Variants in CSMD2 observed in about 807,000 individuals in gnomAD.
CSMD2 encodes the protein CUB and Sushi multiple domains 2.
A neutral mutation model predicts 398.5 loss-of-function variants in CSMD2; 130 were observed. The ratio of observed to expected loss-of-function variants is 0.33; its 90% CI spans 0.28 to 0.38. CSMD2 has a LOEUF of 0.38. Ranked by LOEUF, CSMD2 falls within the 10% of genes least tolerant of loss-of-function variation. The pLI is 1.00. For missense variants in CSMD2, 3,829 were observed against 4,764.9 expected (o/e 0.80, Z 5.78); for synonymous variants, 1,828 against 1,908.5 (o/e 0.96, Z 1.10).
chr1:33,714,744 C>T lies in CSMD2; in HGVS notation c.3249G>A (p.Glu1083=), dbSNP rs1419909844. 16 of 1,614,148 alleles carry T rather than the reference C, an allele frequency of 9.9e-6. No individual in the cohort carries two copies. Among genetic ancestry groups the T allele is most frequent in the East Asian group, 2.2e-5 (1 of 44,876 alleles). The part of the protein sequence containing the change: ...EYDLEPCEEP[E]VPAYSIRKGL... ...CCTTCCGGATGCTGTAGGCTGGGACCTCGGGCTCCTCACAGGGCTCCAAGT... is the reference window on the plus strand; with the variant it reads ...CCTTCCGGATGCTGTAGGCTGGGACTTCGGGCTCCTCACAGGGCTCCAAGT... The change falls in exon 21 of 71, where the codon GAG becomes GAA. Residue 1083 remains glutamate, a synonymous_variant. Coordinates refer to ENST00000373381, the MANE Select transcript of CSMD2 (RefSeq NM_001281956.2).
intron 5 of CSMD2, among the ~76,000 whole-genome samples, chr1:33,898,587 T>C (rs889810920): frequency 3.3e-5 from 5 of 152,146 alleles, no homozygotes; most frequent in African/African-American, 1.2e-4. Context: ...GAATAATGAA[T>C]CTTTTCCAGC....
At chr1:33,961,009 C>G (rs1442325225) in intron 3 of CSMD2, among the ~76,000 whole-genome samples, 2 of 152,226 alleles carry the variant, frequency 1.3e-5, no homozygotes, top group African/African-American at 2.4e-5. Context: ...TCCTACCATT[C>G]TCTATTGTTT....
intron 1 of CSMD2, among the ~76,000 whole-genome samples, chr1:34,121,780 C>T (rs72667749): frequency 1.8e-4 from 28 of 152,226 alleles, no homozygotes; most frequent in Non-Finnish European, 2.9e-4. Flanking sequence ...GGGGCTCTTC[C>T]AAGGTCGCTA....
intron 3 of CSMD2, among the ~76,000 whole-genome samples, chr1:33,975,066 C>T (rs992853886): frequency 3.9e-5 from 6 of 152,244 alleles, no homozygotes; most frequent in African/African-American, 1.4e-4. Flanking sequence ...CAGACTGCCC[C>T]TGGCTGGGCA....
At chr1:33,741,220 A>G (rs1647054654) in intron 14 of CSMD2, among the ~76,000 whole-genome samples, 1 of 152,118 alleles carries the variant, frequency 6.6e-6, no homozygotes, top group African/African-American at 2.4e-5. Flanking sequence ...CTTGAAATCT[A>G]GAGTGCCTGC....
chr1:33,662,701 C>T (rs991806168), intron 26 of CSMD2, among the ~76,000 whole-genome samples, 189 bp downstream of exon 26: 5 of 152,210 alleles, frequency 3.3e-5, no homozygotes, highest in Admixed American at 2.0e-4. Flanking sequence ...ATTAACCCAC[C>T]TGTCTTCCCT....
At chr1:33,607,801 A>T (rs1640721178) in intron 41 of CSMD2, among the ~76,000 whole-genome samples, 1 of 152,336 alleles carries the variant, frequency 6.6e-6, no homozygotes, top group East Asian at 1.9e-4. Flanking sequence ...CATCCAGGCA[A>T]GTCCTGAAGG....
At chr1:33,852,355 A>C (rs1638771863) in intron 5 of CSMD2, among the ~76,000 whole-genome samples, 1 of 152,234 alleles carries the variant, frequency 6.6e-6, no homozygotes, top group Non-Finnish European at 1.5e-5. Flanking sequence ...CTGGCTCCAG[A>C]ATAAAGTCCA....
At chr1:33,918,960 CCTTCTA>C (rs1334432131) in intron 4 of CSMD2, among the ~76,000 whole-genome samples, 2 of 152,122 alleles carry the variant, frequency 1.3e-5, no homozygotes, top group Non-Finnish European at 2.9e-5. Flanking sequence ...TCTCCTTTTT[CCTTCTA>C]CTTCATCTTA....
intron 48 of CSMD2, among the ~76,000 whole-genome samples, chr1:33,579,527 T>A (rs974140905): frequency 4.6e-5 from 7 of 152,110 alleles, no homozygotes; most frequent in Non-Finnish European, 8.8e-5. Context: ...GGCTCTCCCC[T>A]GAAAGCTACA....
intron 2 of CSMD2, among the ~76,000 whole-genome samples, chr1:34,077,567 T>G (rs2148322740): frequency 6.9e-6 from 1 of 144,692 alleles, no homozygotes; most frequent in South Asian, 2.3e-4. Context: ...AAACCCCGTC[T>G]CTATTAAAAA....
chr1:33,698,192 C>G (rs1645486374), intron 24 of CSMD2, among the ~76,000 whole-genome samples: 2 of 152,204 alleles, frequency 1.3e-5, no homozygotes, highest in Admixed American at 6.5e-5. Context: ...TAGAGAACCT[C>G]TGATGACATT....
chr1:33,953,421 TGCAGCCTCA>T (rs1360579974), intron 3 of CSMD2, among the ~76,000 whole-genome samples: 2 of 152,244 alleles, frequency 1.3e-5, no homozygotes, highest in Admixed American at 1.3e-4. Context: ...CTGTCTGTCC[TGCAGCCTCA>T]ACCTGTGCCA....
At position 33,823,604 on chromosome 1, in the gene CSMD2, G is replaced by T. The variant is rs11800125; in HGVS notation, c.1111+2093C>A. Among the ~76,000 whole-genome samples the T allele has an allele frequency of 6.3e-3, 956 of 151,784 alleles. 4 individuals are homozygous for T. The highest frequency in any genetic ancestry group is 0.022 in the African/African-American group (890 of 41,170). On this transcript the variant is annotated intron_variant, in intron 7 of 70. Transcript: ENST00000373381. Reference sequence around the variant, plus strand: ...GCAGGGAGTCACAGGTGGGTGGGTGGTCAGAACTGATGGCAAGGTAGAGAG... The same window carrying T: ...GCAGGGAGTCACAGGTGGGTGGGTGTTCAGAACTGATGGCAAGGTAGAGAG...
Position 33,622,240 on chromosome 1 carries a change from G to A in CSMD2, c.5754C>T (p.Thr1918=), listed in dbSNP as rs1439294334. The change falls in exon 37 of 71, where the codon ACC becomes ACT. Residue 1918 remains threonine, a synonymous_variant. Transcript: ENST00000373381. ...GTTVPALLNS[T]SNQLYLHFYS... ...AGAAATGAAGGTAGAGCTGGTTGGA[G>A]GTGCTGTTCAGAAGGGCAGGCACGG... The A allele has an allele frequency of 1.2e-6, 2 of 1,614,156 alleles. No homozygotes were observed. The highest frequency in any genetic ancestry group is 8.5e-7 in the Non-Finnish European group (1 of 1,179,994).
rs570161468 is a variant in CSMD2, at chr1:33,605,865, T to A, written c.6344-395A>T. On this transcript the variant is annotated intron_variant, in intron 41 of 70. Coordinates refer to ENST00000373381, the MANE Select transcript of CSMD2 (RefSeq NM_001281956.2). Reference sequence around the variant, plus strand: ...TCATGTTGCTTATCTCATTGAACCTTCACAACCAGGATCAAGATCCCAGAC... The same window carrying A: ...TCATGTTGCTTATCTCATTGAACCTACACAACCAGGATCAAGATCCCAGAC... The A allele has an allele frequency of 3.7e-4, 598 of 1,612,674 alleles. 6 individuals carry two copies. The South Asian group carries it at 6.4e-3, about 17-fold the overall frequency.
intron 1 of CSMD2, among the ~76,000 whole-genome samples, chr1:34,138,695 G>A (rs1477245542): frequency 6.6e-6 from 1 of 152,058 alleles, no homozygotes; most frequent in Non-Finnish European, 1.5e-5. Context: ...ATATTTTAAA[G>A]GCTGTTGATA....
At chr1:33,933,984 G>A (rs1644388972) in intron 4 of CSMD2, among the ~76,000 whole-genome samples, 1 of 152,136 alleles carries the variant, frequency 6.6e-6, no homozygotes, top group African/African-American at 2.4e-5. Context: ...AGCAGAAAGG[G>A]TGCAATGAAC....
chr1:34,159,912 A>C (rs1641176400), intron 1 of CSMD2, among the ~76,000 whole-genome samples: 2 of 152,286 alleles, frequency 1.3e-5, no homozygotes, highest in South Asian at 4.1e-4. Flanking sequence ...GACTCGTTGC[A>C]TCTCTGGTTT....
Sources: gnomAD v4.1 joint callset for allele counts (sites outside exome capture counted in the v4.1 genomes callset) on GRCh38, gnomAD v4.1.1 for gene constraint, MANE v1.5 for transcripts, NCBI Gene and HGNC (gene_info 2026-07-23, HGNC 2026-07-21) for gene names.